Variants in NME7 observed in about 807,000 individuals in gnomAD.
NME7 encodes NME/NM23 family member 7.
In NME7, 41 loss-of-function variants were observed where a neutral mutation model predicts 49.1. The ratio of observed to expected loss-of-function variants is 0.83; its 90% CI spans 0.65 to 1.08. The LOEUF (loss-of-function observed/expected upper bound fraction) is 1.08, where lower values mean the gene tolerates loss of function less well. Ranked by LOEUF, NME7 falls within the 50% of genes least tolerant of loss-of-function variation. The pLI is 0.00. For missense variants in NME7, 423 were observed against 463.4 expected (o/e 0.91, Z 0.80); for synonymous variants, 139 against 150.6 (o/e 0.92, Z 0.56).
At chr1:169,208,510 A>G (rs1660731967) in intron 10 of NME7, among the ~76,000 whole-genome samples, 1 of 152,146 alleles carries the variant, frequency 6.6e-6, no homozygotes, top group South Asian at 2.1e-4. Flanking sequence ...ATAACAAAGA[A>G]AAAATGGCTG....
intron 10 of NME7, among the ~76,000 whole-genome samples, chr1:169,209,104 A>C (rs1660748694): frequency 6.6e-6 from 1 of 152,006 alleles, no homozygotes; most frequent in African/African-American, 2.4e-5. Flanking sequence ...ACAAAATTAA[A>C]ATTAACACTG....
chr1:169,191,275 C>G (rs1443319286), intron 10 of NME7, among the ~76,000 whole-genome samples: 1 of 152,196 alleles, frequency 6.6e-6, no homozygotes, highest in Non-Finnish European at 1.5e-5. Context: ...CACTCTTCCT[C>G]TGCAATAAGG....
At chr1:169,134,682 C>T (rs1240221696) in intron 11 of NME7, among the ~76,000 whole-genome samples, 3 of 152,058 alleles carry the variant, frequency 2.0e-5, no homozygotes, top group Non-Finnish European at 2.9e-5. Flanking sequence ...GATTTTTAAA[C>T]TGGTTTTCAT....
intron 11 of NME7, among the ~76,000 whole-genome samples, chr1:169,154,466 T>C (rs1046183663): frequency 5.9e-5 from 9 of 152,186 alleles, no homozygotes; most frequent in Non-Finnish European, 1.3e-4. Context: ...TCATGTTACA[T>C]TGAAGAACTC....
chr1:169,278,524 G>A (rs1163083044), intron 7 of NME7, among the ~76,000 whole-genome samples: 1 of 151,936 alleles, frequency 6.6e-6, no homozygotes, highest in Non-Finnish European at 1.5e-5. Context: ...TCGAGCTTTG[G>A]CTTTCAGCTC....
chr1:169,174,234 TTTAA>T (rs1203206390), intron 10 of NME7, among the ~76,000 whole-genome samples: 2 of 152,246 alleles, frequency 1.3e-5, no homozygotes, highest in Admixed American at 1.3e-4. Context: ...GGAATATTTA[TTTAA>T]TTATTCTATG....
chr1:169,367,129 G>T (rs1391770809), intron 1 of NME7, among the ~76,000 whole-genome samples: 1 of 139,038 alleles, frequency 7.2e-6, no homozygotes, highest in Non-Finnish European at 1.6e-5. Context: ...GCAATCCCAG[G>T]AGAAATTTCT....
intron 11 of NME7, 93 bp downstream of exon 11, chr1:169,169,354 A>T (rs1659510849): frequency 9.2e-7 from 1 of 1,089,382 alleles, no homozygotes; most frequent in Non-Finnish European, 1.4e-6. Flanking sequence ...TTGAAGTATA[A>T]CAATAAAACA....
chr1:169,256,242 T>A (rs994864764), intron 7 of NME7, among the ~76,000 whole-genome samples: 1 of 133,432 alleles, frequency 7.5e-6, no homozygotes, highest in Non-Finnish European at 1.8e-5. Context: ...GTCCCATATT[T>A]CTTGGAGGCT....
At chr1:169,186,710 C>A (rs1660076841) in intron 10 of NME7, among the ~76,000 whole-genome samples, 1 of 152,122 alleles carries the variant, frequency 6.6e-6, no homozygotes, top group Non-Finnish European at 1.5e-5. Context: ...AAAACCAGCT[C>A]CTGGATTCAC....
chr1:169,304,618 TTATTA>T (rs1327791891), intron 4 of NME7, among the ~76,000 whole-genome samples: 12 of 152,254 alleles, frequency 7.9e-5, no homozygotes, highest in Admixed American at 7.8e-4. Flanking sequence ...CATGATTAAA[TTATTA>T]TATTTATTCC....
intron 10 of NME7, among the ~76,000 whole-genome samples, chr1:169,188,129 C>T (rs1160415488): frequency 6.6e-6 from 1 of 152,092 alleles, no homozygotes; most frequent in African/African-American, 2.4e-5. Context: ...GTTAGTTTGA[C>T]AGGCTTCCCT....
chr1:169,222,201 AT>A (rs1557994477), intron 10 of NME7, among the ~76,000 whole-genome samples: 5 of 152,020 alleles, frequency 3.3e-5, no homozygotes, highest in South Asian at 4.1e-4. Flanking sequence ...TATGTATTCT[AT>A]TTTTTATTTG....
chr1:169,227,785 A>C (rs968653510), intron 10 of NME7, among the ~76,000 whole-genome samples: 3 of 152,114 alleles, frequency 2.0e-5, no homozygotes, highest in Non-Finnish European at 2.9e-5. Context: ...TAAGTTTCCA[A>C]CACATGAACT....
intron 10 of NME7, among the ~76,000 whole-genome samples, chr1:169,201,327 T>G (rs1229802515): frequency 6.6e-6 from 1 of 152,144 alleles, no homozygotes; most frequent in Non-Finnish European, 1.5e-5. Context: ...GAGTTTTAAC[T>G]ACTCAGGAGA....
intron 1 of NME7, among the ~76,000 whole-genome samples, chr1:169,342,204 C>T (rs1652733178): frequency 6.6e-6 from 1 of 151,990 alleles, no homozygotes; most frequent in South Asian, 2.1e-4. Context: ...GGCAGTTTCC[C>T]CCATGCTGTT....
rs550742450 is a variant in NME7, at chr1:169,256,189, T to C, written c.755-18502A>G. Reference sequence around the variant, plus strand: ...AACTTGGTTCCATTCTCCCCATCACTTTCAGGTACACCAATCAGACGTAGA... The same window carrying C: ...AACTTGGTTCCATTCTCCCCATCACCTTCAGGTACACCAATCAGACGTAGA... On this transcript the variant is annotated intron_variant, in intron 7 of 11. Transcript: ENST00000367811. Among the ~76,000 whole-genome samples, 128 of 133,678 alleles carry C rather than the reference T, an allele frequency of 9.6e-4. 30 individuals are homozygous for C. In the South Asian group the frequency reaches 0.01, roughly 11 times the overall value. The allele number at this position is 133,678 out of a possible 152,430, so 87.7% of individuals were successfully genotyped here.
intron 1 of NME7, among the ~76,000 whole-genome samples, chr1:169,361,886 T>A (rs996620761): frequency 6.6e-6 from 1 of 152,198 alleles, no homozygotes; most frequent in African/African-American, 2.4e-5. Flanking sequence ...AATAAAATTT[T>A]GTTCTTCAGT....
chr1:169,257,570 C>G (rs936693320), intron 7 of NME7, among the ~76,000 whole-genome samples: 1 of 134,122 alleles, frequency 7.5e-6, no homozygotes, highest in Admixed American at 7.3e-5. Flanking sequence ...TGTTCCTATT[C>G]GGCCATCTTG....
Sources: allele counts gnomAD v4.1 joint callset (sites outside exome capture counted in the v4.1 genomes callset), GRCh38; gene constraint gnomAD v4.1.1; transcripts MANE v1.5; gene names NCBI Gene and HGNC (gene_info 2026-07-23, HGNC 2026-07-21).